The following SBNO2 variants were observed in gnomAD, a reference collection of about 807,000 sequenced individuals.
SBNO2 encodes strawberry notch homolog 2, also known as protein strawberry notch homolog 2.
Under a neutral mutation model 146.3 loss-of-function variants are expected in SBNO2, and 89 were observed. That is an observed-to-expected ratio of 0.61 (90% CI 0.51 to 0.73). SBNO2 has a LOEUF of 0.73. SBNO2 is among the 30% of genes least tolerant of loss of function. The probability of loss-of-function intolerance (pLI) is 0.00; values close to 1 mark genes in which losing one functional copy is unlikely to be tolerated. For synonymous variants in SBNO2, 1,147 were observed against 892.6 expected (o/e 1.29, Z -5.08); for missense variants, 2,092 against 2,003.7 (o/e 1.04, Z -0.84).
Position 1,127,778 on chromosome 19 carries a change from G to C in SBNO2, c.280-13C>G. 6.2e-7 allele frequency: 1 copy of C among 1,611,794 alleles called. No individual in the cohort carries two copies. Among genetic ancestry groups the C allele is most frequent in the African/African-American group, 1.3e-5 (1 of 75,022 alleles). On this transcript the variant is annotated splice_polypyrimidine_tract_variant and intron_variant, in intron 4 of 31. Coordinates refer to ENST00000361757, the MANE Select transcript of SBNO2 (RefSeq NM_014963.3). ...AATAGGAGGAGTCCTGGAAGACAAG[G>C]CCAGGCCCGGTGAGGGTGGTACGGG...
At chr19:1,129,768 G>C (rs534557003) in intron 4 of SBNO2, among the ~76,000 whole-genome samples, 14 of 152,312 alleles carry the variant, frequency 9.2e-5, no homozygotes, top group African/African-American at 3.1e-4. Flanking sequence ...GAACCGCCCA[G>C]GCCTTGGTGG....
chr19:1,162,675 G>C (rs1202503872), intron 1 of SBNO2, among the ~76,000 whole-genome samples: 2 of 152,126 alleles, frequency 1.3e-5, no homozygotes, highest in Non-Finnish European at 2.9e-5. Flanking sequence ...CAGACCAAGA[G>C]AGGCCTTCCT....
At position 1,127,610 on chromosome 19, in the gene SBNO2, G is replaced by A. The variant is rs1464188652; in HGVS notation, c.435C>T (p.His145=). 23 of 1,612,536 alleles carry A rather than the reference G, an allele frequency of 1.4e-5. No homozygotes were observed. Among genetic ancestry groups the A allele is most frequent in the Non-Finnish European group, 1.7e-5 (20 of 1,179,786 alleles). ...GGGCACCGGGCGCACTGACCTTATC[G>A]TGGGTGGAGGGGGCAGGGTTATCGT... ...IWDDNPAPST[H]DKLFQLSRPF... Residue 145 remains histidine (H), a synonymous_variant, in exon 5 of 32, where the codon CAC becomes CAT. Transcript: ENST00000361757.
chr19:1,129,009 G>A (rs77065759), intron 4 of SBNO2, among the ~76,000 whole-genome samples: 2 of 150,642 alleles, frequency 1.3e-5, no homozygotes, highest in Admixed American at 6.6e-5. Context: ...GCTCACGCCT[G>A]TAACCCCAGC....
In SBNO2 at chr19:1,143,954, G is replaced by A. The variant is rs2080162952; in HGVS notation, c.279+3355C>T. 5.3e-5 allele frequency among the ~76,000 whole-genome samples: 8 copies of A among 152,372 alleles called. 1 individual carries two copies. The South Asian group carries it at 1.7e-3, about 32-fold the overall frequency. On this transcript the variant is annotated intron_variant, in intron 4 of 31. Coordinates refer to ENST00000361757, the MANE Select transcript of SBNO2 (RefSeq NM_014963.3). ...GGATCAGGACGGGGACGTCTTGGAG[G>A]CTGTAACCGTGTGGCCAGCACATTT...
intron 16 of SBNO2, 60 bp downstream of exon 16, chr19:1,116,769 C>G: frequency 2.1e-6 from 3 of 1,444,470 alleles, no homozygotes; most frequent in South Asian, 2.5e-5. Context: ...CAGGTGGCCA[C>G]AGAGAGGGGT....
rs2079770148 is a variant in SBNO2, at chr19:1,112,126, C to G, written c.2629-59G>C. On this transcript the variant is annotated intron_variant, in intron 22 of 31. Coordinates refer to ENST00000361757, the MANE Select transcript of SBNO2 (RefSeq NM_014963.3). The surrounding 1 kb of genome is among the most constrained non-coding windows in gnomAD (Gnocchi z 5.9). ...CTGGGGTCTGGCCTCTAGCACCCCACAAAGCTTTGGAGAGCCTTCCTGGGC... is the reference window on the plus strand; with the variant it reads ...CTGGGGTCTGGCCTCTAGCACCCCAGAAAGCTTTGGAGAGCCTTCCTGGGC... The G allele has an allele frequency of 1.2e-6, 2 of 1,604,614 alleles. No homozygotes were observed. Among genetic ancestry groups the G allele is most frequent in the Admixed American group, 1.7e-5 (1 of 59,160 alleles).
At position 1,161,973 on chromosome 19, in the gene SBNO2, C is replaced by T. The variant is rs1430166413; in HGVS notation, c.-126-7571G>A. 2.8e-5 allele frequency among the ~76,000 whole-genome samples: 4 copies of T among 143,396 alleles called. No individual in the cohort carries two copies. In the South Asian group the frequency reaches 9.2e-4, roughly 33 times the overall value. 94.1% of individuals were successfully genotyped at this position (143,396 alleles called of 152,430 possible). Reference sequence around the variant, plus strand: ...AGCCGACATACAGCTTCCCCAGCAGCCGGCCAGACAGACGGACGTCCTGGC... The same window carrying T: ...AGCCGACATACAGCTTCCCCAGCAGTCGGCCAGACAGACGGACGTCCTGGC... On this transcript the variant is annotated intron_variant, in intron 1 of 31. Transcript: ENST00000361757.
intron 4 of SBNO2, among the ~76,000 whole-genome samples, chr19:1,141,653 A>G (rs530001178): frequency 2.2e-4 from 33 of 151,846 alleles, no homozygotes; most frequent in African/African-American, 8.0e-4. Context: ...CCCTCCACGC[A>G]TCCATCACGG....
At chr19:1,138,853 GAC>G (rs2080109428) in intron 4 of SBNO2, among the ~76,000 whole-genome samples, 1 of 150,346 alleles carries the variant, frequency 6.7e-6, no homozygotes, top group Non-Finnish European at 1.5e-5. Context: ...ATCACGGACA[GAC>G]ACAGTGGGGC....
At position 1,158,817 on chromosome 19, in the gene SBNO2, C is replaced by G. The variant is rs2080316450; in HGVS notation, c.-126-4415G>C. ...CGGGAACCCCGCACAGAGCCACGGC[C>G]ATAAGACAGAGCGGACTTGCGGCCT... is the stretch of plus-strand genomic sequence containing the variant. On this transcript the variant is annotated intron_variant, in intron 1 of 31. Transcript: ENST00000361757. This position sits in a 1 kb window ranked among gnomAD's most constrained non-coding sequence, Gnocchi z 9.9. Among the ~76,000 whole-genome samples, 1 of 152,176 alleles carries G rather than the reference C, an allele frequency of 6.6e-6. No individual in the cohort carries two copies. The highest frequency in any genetic ancestry group is 2.4e-5 in the African/African-American group (1 of 41,424).
Position 1,122,477 on chromosome 19 carries a change from C to A in SBNO2, c.996G>T (p.Ala332=). The change falls in exon 10 of 32, where the codon GCG becomes GCT. Residue 332 remains alanine (A), a synonymous_variant. Transcript: ENST00000361757. The part of the protein sequence containing the change: ...DIEATGIAVH[A]LSKIKYGDTT... ...CGAGCACAGCCCCTACCTTGCTGAGCGCGTGCACCGCGATGCCCGTGGCTT... is the reference window on the plus strand; with the variant it reads ...CGAGCACAGCCCCTACCTTGCTGAGAGCGTGCACCGCGATGCCCGTGGCTT... 6.4e-7 allele frequency: 1 copy of A among 1,571,644 alleles called. No homozygotes were observed. The highest frequency in any genetic ancestry group is 1.8e-5 in the Admixed American group (1 of 54,952).
At chr19:1,163,703 G>A (rs1052350191) in intron 1 of SBNO2, among the ~76,000 whole-genome samples, 21 of 152,352 alleles carry the variant, frequency 1.4e-4, no homozygotes, top group African/African-American at 5.0e-4. Context: ...GCCAGGCGGC[G>A]CCGGGGAAGC....
intron 4 of SBNO2, among the ~76,000 whole-genome samples, chr19:1,143,689 C>T (rs2080160819): frequency 6.6e-6 from 1 of 152,118 alleles, no homozygotes; most frequent in Non-Finnish European, 1.5e-5. Flanking sequence ...AGGCTCTTCC[C>T]GTCTCTCTCT....
Position 1,123,658 on chromosome 19 carries a change from C to T in SBNO2, c.523-19G>A. ...TCTGCTCCTGCGTGCGTGGCGGGAG[C>T]TCAGCGGAGACTGCAGGCCTGAGCG... On this transcript the variant is annotated intron_variant, in intron 6 of 31. Transcript: ENST00000361757. 4 of 1,600,602 alleles carry T rather than the reference C, an allele frequency of 2.5e-6. No homozygotes were observed. The highest frequency in any genetic ancestry group is 3.4e-6 in the Non-Finnish European group (4 of 1,174,558).
At chr19:1,153,891 C>G (rs76334536) in intron 2 of SBNO2, among the ~76,000 whole-genome samples, 5 of 152,118 alleles carry the variant, frequency 3.3e-5, no homozygotes, top group Admixed American at 2.6e-4. Flanking sequence ...AAAGTTGAGC[C>G]CCCCCTACAG....
chr19:1,156,647 C>T (rs186810229), intron 1 of SBNO2, among the ~76,000 whole-genome samples: 1 of 152,256 alleles, frequency 6.6e-6, no homozygotes, highest in Non-Finnish European at 1.5e-5. Flanking sequence ...GGCCCATCCA[C>T]GTGCCAGAAC....
intron 5 of SBNO2, among the ~76,000 whole-genome samples, chr19:1,125,871 A>C (rs1297694675): frequency 6.6e-6 from 1 of 151,852 alleles, no homozygotes; most frequent in Non-Finnish European, 1.5e-5. Context: ...TCGTGTGTCT[A>C]TGGACCCAGC....
rs558492581 is a variant in SBNO2, at chr19:1,147,438, G to A, written c.168-18C>T. 3.5e-5 allele frequency: 45 copies of A among 1,286,732 alleles called. 2 individuals carry two copies. Among genetic ancestry groups the A allele is most frequent in the East Asian group, 2.2e-4 (8 of 37,014 alleles). 79.7% of individuals were successfully genotyped at this position (1,286,732 alleles called of 1,614,324 possible). A position where few individuals can be genotyped will look rare whatever the true frequency, so the allele number is the denominator to read the frequency against. On this transcript the variant is annotated intron_variant, in intron 3 of 31. Coordinates refer to ENST00000361757, the MANE Select transcript of SBNO2 (RefSeq NM_014963.3). Reference sequence around the variant, plus strand: ...TGAACGGGCTGGAGGGAGATGGGGGGGGGGGAGGTGAGATGGGGTGCTCAA... The same window carrying A: ...TGAACGGGCTGGAGGGAGATGGGGGAGGGGGAGGTGAGATGGGGTGCTCAA...
Sources: allele counts gnomAD v4.1 joint callset (sites outside exome capture counted in the v4.1 genomes callset), GRCh38; gene constraint gnomAD v4.1.1; non-coding constraint Gnocchi (gnomAD v3.1); transcripts MANE v1.5; gene names NCBI Gene and HGNC (gene_info 2026-07-23, HGNC 2026-07-21).